Variants in BRI3BP observed in about 807,000 individuals in gnomAD.
BRI3BP encodes BRI3-binding protein.
Under a neutral mutation model 15.8 loss-of-function variants are expected in BRI3BP, and 7 were observed. The observed-to-expected ratio is 0.44, with a 90% CI of 0.25 to 0.83. The LOEUF (loss-of-function observed/expected upper bound fraction) is 0.83. Ranked by LOEUF, BRI3BP falls within the 40% of genes least tolerant of loss-of-function variation. The probability of loss-of-function intolerance (pLI) is 0.20; values close to 1 mark genes in which losing one functional copy is unlikely to be tolerated. For missense variants in BRI3BP, 320 were observed against 339.3 expected (o/e 0.94, Z 0.45); for synonymous variants, 192 against 163.5 (o/e 1.17, Z -1.33).
intron 2 of BRI3BP, among the ~76,000 whole-genome samples, chr12:125,017,169 G>A (rs1955254359): frequency 6.6e-6 from 1 of 151,752 alleles, no homozygotes; most frequent in Admixed American, 6.6e-5. Flanking sequence ...ACAGGCACCT[G>A]CCACCATGCC....
intron 2 of BRI3BP, among the ~76,000 whole-genome samples, chr12:125,015,826 G>GC (rs1396471220): frequency 1.3e-5 from 2 of 152,242 alleles, no homozygotes; most frequent in African/African-American, 4.8e-5. Flanking sequence ...GCACCTGGCA[G>GC]CCCCCTGGGG....
At chr12:125,014,536 G>A (rs961895652) in intron 2 of BRI3BP, among the ~76,000 whole-genome samples, 3 of 152,250 alleles carry the variant, frequency 2.0e-5, no homozygotes, top group Non-Finnish European at 4.4e-5. Flanking sequence ...TCCCTGTGGA[G>A]TCATACGGGA....
chr12:125,040,583 T>TC, the BRI3BP span, among the ~76,000 whole-genome samples: 4 of 151,482 alleles, frequency 2.6e-5, no homozygotes, highest in Non-Finnish European at 4.4e-5. Flanking sequence ...CTTCAGGTGA[T>TC]CCCCCCACCT....
At chr12:125,046,324 TG>T in the BRI3BP span, among the ~76,000 whole-genome samples, 1 of 152,140 alleles carries the variant, frequency 6.6e-6, no homozygotes, top group East Asian at 1.9e-4. Flanking sequence ...GAGGCCTAGG[TG>T]GGTGGATCAC....
intron 2 of BRI3BP, among the ~76,000 whole-genome samples, chr12:125,018,920 G>A (rs7307201): frequency 0.68 from 103,796 of 151,758 alleles, 37,822 homozygotes; most frequent in South Asian, 0.88. Context: ...GAGCAATGCC[G>A]CAATCTTGGC....
Position 125,025,584 on chromosome 12 carries a change from C to G in BRI3BP, c.*154C>G, listed in dbSNP as rs1045858345. 48 of 736,614 alleles carry G rather than the reference C, an allele frequency of 6.5e-5. No individual in the cohort carries two copies. The highest frequency in any genetic ancestry group is 5.1e-5 in the Non-Finnish European group (24 of 469,880). The allele number at this position is 736,614 out of a possible 1,614,324, so 45.6% of individuals were successfully genotyped here. ...GGCTATTTCCACCCACCCGGCAGCT[C>G]TTAGGACACATTCCCAGAAGAGCGG... On this transcript the variant is annotated 3_prime_UTR_variant, in exon 3 of 3. Coordinates refer to ENST00000341446, the MANE Select transcript of BRI3BP (RefSeq NM_080626.6).
At chr12:125,046,198 CA>C in the BRI3BP span, among the ~76,000 whole-genome samples, 2 of 151,692 alleles carry the variant, frequency 1.3e-5, no homozygotes, top group East Asian at 3.9e-4. Flanking sequence ...TGATTTTAGA[CA>C]GCTGAGAATC....
chr12:125,016,766 T>C (rs1456479799), intron 2 of BRI3BP, among the ~76,000 whole-genome samples: 3 of 149,160 alleles, frequency 2.0e-5, no homozygotes, highest in Non-Finnish European at 4.5e-5. Flanking sequence ...GACCTCGTGA[T>C]CCGCCCGCCT....
intron 2 of BRI3BP, among the ~76,000 whole-genome samples, chr12:125,019,974 T>TTTG (rs1955282699): frequency 6.8e-6 from 1 of 146,822 alleles, no homozygotes; most frequent in Non-Finnish European, 1.5e-5. Flanking sequence ...TTTTTTTTTT[T>TTTG]TTTGAGATGG....
Position 125,025,678 on chromosome 12 carries a change from G to C in BRI3BP, c.*248G>C. The C allele has an allele frequency of 8.7e-6, 4 of 462,276 alleles. No homozygotes were observed. Among genetic ancestry groups the C allele is most frequent in the Non-Finnish European group, 1.5e-5 (4 of 261,374 alleles). 28.6% of individuals were successfully genotyped at this position (462,276 alleles called of 1,614,324 possible). A position where few individuals can be genotyped will look rare whatever the true frequency, so the allele number is the denominator to read the frequency against. On this transcript the variant is annotated 3_prime_UTR_variant, in exon 3 of 3. Transcript: ENST00000341446. ...GGGAAAAAATATTTTTTAAACAAAG[G>C]ATATAACCATATTTAGTTGTACAGT...
intron 2 of BRI3BP, among the ~76,000 whole-genome samples, chr12:125,013,572 CCAGT>C (rs1240661715): frequency 6.6e-6 from 1 of 152,206 alleles, no homozygotes; most frequent in Non-Finnish European, 1.5e-5. Flanking sequence ...TACTTTCTGT[CCAGT>C]CCCTAGCTGC....
chr12:125,005,771 G>GT (rs772401476), intron 1 of BRI3BP, among the ~76,000 whole-genome samples: 2 of 113,048 alleles, frequency 1.8e-5, no homozygotes, highest in Non-Finnish European at 4.1e-5. Context: ...GAGCAAGACT[G>GT]TTTAAAAAAA....
the BRI3BP span, among the ~76,000 whole-genome samples, chr12:125,042,538 C>CT: frequency 1.8e-4 from 26 of 145,974 alleles, no homozygotes; most frequent in Non-Finnish European, 2.3e-4. Flanking sequence ...TGCAATAGCA[C>CT]TTTTTTTTTT....
the BRI3BP span, among the ~76,000 whole-genome samples, chr12:125,048,476 C>T: frequency 6.6e-6 from 1 of 151,726 alleles, no homozygotes; most frequent in East Asian, 1.9e-4. Context: ...ACCGCATGTT[C>T]TCACTCAGAT....
At chr12:125,024,552 C>G (rs1955331404) in intron 2 of BRI3BP, among the ~76,000 whole-genome samples, 1 of 152,150 alleles carries the variant, frequency 6.6e-6, no homozygotes, top group Non-Finnish European at 1.5e-5. Flanking sequence ...GTAATCCCAG[C>G]ACTTTGGGAG....
chr12:125,044,212 G>A, the BRI3BP span, among the ~76,000 whole-genome samples: 1 of 151,960 alleles, frequency 6.6e-6, no homozygotes, highest in Non-Finnish European at 1.5e-5. Context: ...GAGTGCAGTG[G>A]CGCGATCTTG....
chr12:125,017,924 G>A (rs902741551), intron 2 of BRI3BP, among the ~76,000 whole-genome samples: 1 of 152,194 alleles, frequency 6.6e-6, no homozygotes, highest in African/African-American at 2.4e-5. Flanking sequence ...GGGACCCTGG[G>A]CAAGGAGTCC....
chr12:124,995,063 G>A (rs977708686), intron 1 of BRI3BP, among the ~76,000 whole-genome samples: 1 of 152,150 alleles, frequency 6.6e-6, no homozygotes, highest in Non-Finnish European at 1.5e-5. Flanking sequence ...GAGGGAGTGG[G>A]GAATAGAAGG....
chr12:125,021,811 C>T (rs10846808), intron 2 of BRI3BP, among the ~76,000 whole-genome samples: 77,582 of 151,600 alleles, frequency 0.51, 21,313 homozygotes, highest in African/African-American at 0.71. Flanking sequence ...ACCACCTCCA[C>T]GATCCAATCA....
Sources: gnomAD v4.1 joint callset for allele counts (sites outside exome capture counted in the v4.1 genomes callset) on GRCh38, gnomAD v4.1.1 for gene constraint, MANE v1.5 for transcripts, NCBI Gene and HGNC (gene_info 2026-07-23, HGNC 2026-07-21) for gene names.